Variants in TNRC6B observed in about 807,000 individuals in gnomAD.
TNRC6B encodes trinucleotide repeat containing adaptor 6B.
Under a neutral mutation model 203.6 loss-of-function variants are expected in TNRC6B, and 52 were observed. That is an observed-to-expected ratio of 0.26 (90% CI 0.20 to 0.32). The LOEUF is 0.32. TNRC6B is among the 10% of genes least tolerant of loss of function. The probability of loss-of-function intolerance (pLI) is 1.00; values close to 1 mark genes in which losing one functional copy is unlikely to be tolerated. For missense variants in TNRC6B, 1,923 were observed against 2,286.2 expected, an observed-to-expected ratio of 0.84 and a Z score of 3.24; for synonymous variants, 838 against 845.7, an observed-to-expected ratio of 0.99 and a Z score of 0.16.
At chr22:40,158,004 T>G (rs6001807) in intron 4 of TNRC6B, among the ~76,000 whole-genome samples, 103,135 of 151,930 alleles carry the variant, frequency 0.68, 36,766 homozygotes, top group African/African-American at 0.9. Context: ...AAAATACTGT[T>G]GTTAGTAAAA....
intron 4 of TNRC6B, among the ~76,000 whole-genome samples, chr22:40,264,035 G>A (rs2070430907): frequency 6.6e-6 from 1 of 152,238 alleles, no homozygotes; most frequent in African/African-American, 2.4e-5. Context: ...CAGATGAAAT[G>A]ACACTTGAAT....
chr22:40,245,945 A>T, intron 1 of TNRC6B, 70 bp from the exon 2 acceptor site: 1 of 1,259,506 alleles, frequency 7.9e-7, no homozygotes, highest in Non-Finnish European at 1.1e-6. Flanking sequence ...ACTTACAAGC[A>T]TTCAATTTGC....
chr22:40,088,630 G>A (rs796386277), intron 1 of TNRC6B, among the ~76,000 whole-genome samples: 1 of 148,694 alleles, frequency 6.7e-6, no homozygotes, highest in African/African-American at 2.5e-5. Context: ...GTGTGTGTGT[G>A]TTTTAGTAGA....
At chr22:40,216,406 G>GT (rs35753979) in intron 1 of TNRC6B, among the ~76,000 whole-genome samples, 2 of 151,886 alleles carry the variant, frequency 1.3e-5, no homozygotes. Flanking sequence ...CTAAGTCAGT[G>GT]TTTTTTTTCT....
At chr22:40,241,410 T>TA (rs1269796787) in intron 1 of TNRC6B, among the ~76,000 whole-genome samples, 1 of 152,246 alleles carries the variant, frequency 6.6e-6, no homozygotes, top group Non-Finnish European at 1.5e-5. Context: ...ATTTGGTTGT[T>TA]AGGTCTTTGC....
chr22:40,132,957 A>ATAAAT (rs1217784701), intron 3 of TNRC6B, among the ~76,000 whole-genome samples: 1 of 86,658 alleles, frequency 1.2e-5, no homozygotes, highest in African/African-American at 4.0e-5. Flanking sequence ...AAAAAAAAAA[A>ATAAAT]AAAAAAAAAA....
At chr22:40,197,981 A>C (rs2069363034) in intron 1 of TNRC6B, among the ~76,000 whole-genome samples, 1 of 152,292 alleles carries the variant, frequency 6.6e-6, no homozygotes, top group Non-Finnish European at 1.5e-5. Flanking sequence ...TAAAAAGTTT[A>C]CTTCAGGTGA....
intron 1 of TNRC6B, among the ~76,000 whole-genome samples, chr22:40,047,146 C>T (rs1034411874): frequency 3.3e-5 from 5 of 152,098 alleles, no homozygotes; most frequent in African/African-American, 1.2e-4. Context: ...TATGCAGTTC[C>T]AGGGCATAGG....
intron 3 of TNRC6B, among the ~76,000 whole-genome samples, chr22:40,135,847 T>G (rs1243829088): frequency 1.3e-5 from 2 of 152,224 alleles, no homozygotes; most frequent in African/African-American, 4.8e-5. Context: ...TACATTTTAC[T>G]TTATGATTTG....
chr22:40,111,103 G>A (rs1266626787), intron 1 of TNRC6B, among the ~76,000 whole-genome samples: 1 of 152,186 alleles, frequency 6.6e-6, no homozygotes, highest in South Asian at 2.1e-4. Flanking sequence ...AGAAGAGGGA[G>A]TCAGGAAAGA....
At chr22:40,166,904 A>AG (rs796217221) in intron 4 of TNRC6B, among the ~76,000 whole-genome samples, 66 of 151,842 alleles carry the variant, frequency 4.3e-4, no homozygotes, top group African/African-American at 1.6e-3. Context: ...CAAAAAAAAA[A>AG]AAAAGAAAAA....
At chr22:40,159,484 A>C (rs1427844432) in intron 4 of TNRC6B, among the ~76,000 whole-genome samples, 1 of 150,882 alleles carries the variant, frequency 6.6e-6, no homozygotes, top group Non-Finnish European at 1.5e-5. Flanking sequence ...GTAAAAATAC[A>C]AAAAATTAGC....
rs1374408091 is a variant in TNRC6B at position 40,261,939 on chromosome 22, G to T, written c.223G>T (p.Val75Leu). The change falls in exon 4 of 23, where the codon GTG becomes TTG. Residue 75 changes from valine (V) to leucine (L), a missense_variant. Val to Leu is a conservative substitution (Grantham distance 32). This residue lies in a region of TNRC6B where 111 missense variants were observed against 155.3 expected (regional missense o/e 0.71). Coordinates refer to ENST00000454349, the MANE Select transcript of TNRC6B (RefSeq NM_001162501.2). ...TGGCAACAATGCCAAAAGGGTGGCAGTGCCGAACGGACAACCGCCAAGCGC... is the reference window on the plus strand; with the variant it reads ...TGGCAACAATGCCAAAAGGGTGGCATTGCCGAACGGACAACCGCCAAGCGC... ...NGGNNAKRVA[V>L]PNGQPPSAAR... The T allele has an allele frequency of 3.1e-6, 5 of 1,612,844 alleles. No homozygotes were observed. Among genetic ancestry groups the T allele is most frequent in the Non-Finnish European group, 4.2e-6 (5 of 1,179,160 alleles).
intron 4 of TNRC6B, among the ~76,000 whole-genome samples, chr22:40,168,610 G>A (rs895000867): frequency 6.6e-6 from 1 of 152,200 alleles, no homozygotes. Context: ...GAGATTGTTG[G>A]ATTTAGGTTG....
At chr22:40,189,107 G>A (rs1157098973) in intron 1 of TNRC6B, among the ~76,000 whole-genome samples, 3 of 152,110 alleles carry the variant, frequency 2.0e-5, no homozygotes, top group Admixed American at 6.5e-5. Flanking sequence ...ACGTTAATTT[G>A]TTACTTCAGC....
At chr22:40,227,550 C>T (rs906004699) in intron 1 of TNRC6B, among the ~76,000 whole-genome samples, 1 of 151,682 alleles carries the variant, frequency 6.6e-6, no homozygotes, top group African/African-American at 2.4e-5. Flanking sequence ...GAGGTTTCAC[C>T]ATGTTGGCCA....
chr22:40,110,334 G>A (rs2068321816), intron 1 of TNRC6B, among the ~76,000 whole-genome samples: 1 of 152,104 alleles, frequency 6.6e-6, no homozygotes, highest in Admixed American at 6.5e-5. Flanking sequence ...CTGGACATAG[G>A]CCCTTGCTCT....
intron 1 of TNRC6B, among the ~76,000 whole-genome samples, chr22:40,212,436 C>G (rs957577057): frequency 3.3e-5 from 5 of 152,182 alleles, no homozygotes; most frequent in Admixed American, 6.5e-5. Flanking sequence ...AGTGAGTATC[C>G]TTATTGCCAG....
intron 1 of TNRC6B, among the ~76,000 whole-genome samples, chr22:40,187,712 T>C (rs2069221960): frequency 6.6e-6 from 1 of 152,160 alleles, no homozygotes; most frequent in South Asian, 2.1e-4. Flanking sequence ...GTCTCTCACT[T>C]TTCTTATCTC....
Sources: allele counts gnomAD v4.1 joint callset (sites outside exome capture counted in the v4.1 genomes callset), GRCh38; gene constraint gnomAD v4.1.1; regional missense constraint gnomAD v4.1.1; transcripts MANE v1.5; gene names NCBI Gene and HGNC (gene_info 2026-07-23, HGNC 2026-07-21).